PGRMC2: variants seen among roughly 807,000 people sequenced by gnomAD.
The protein encoded by PGRMC2 is membrane-associated progesterone receptor component 2.
Under a neutral mutation model 19.3 loss-of-function variants are expected in PGRMC2, and 9 were observed. The observed-to-expected ratio is 0.47, with a 90% CI of 0.28 to 0.81. The LOEUF is 0.81. PGRMC2 is among the 40% of genes least tolerant of loss of function. The pLI is 0.11. For missense variants in PGRMC2, 289 were observed against 297.3 expected (o/e 0.97, Z 0.21); for synonymous variants, 157 against 124.6 (o/e 1.26, Z -1.73).
intron 1 of PGRMC2, among the ~76,000 whole-genome samples, chr4:128,282,644 G>C (rs1413837448): frequency 1.3e-5 from 2 of 152,322 alleles, no homozygotes; most frequent in East Asian, 3.9e-4. Context: ...AGATGCATAT[G>C]GGCATTAGCC....
At chr4:128,276,937 A>C (rs1167810764) in intron 1 of PGRMC2, among the ~76,000 whole-genome samples, 1 of 152,218 alleles carries the variant, frequency 6.6e-6, no homozygotes, top group East Asian at 1.9e-4. Flanking sequence ...CAGGCGGATC[A>C]CGAGGTCAGG....
chr4:128,276,971 G>A (rs1225470024), intron 1 of PGRMC2, among the ~76,000 whole-genome samples: 1 of 152,074 alleles, frequency 6.6e-6, no homozygotes, highest in Non-Finnish European at 1.5e-5. Context: ...CCTGGCCAAC[G>A]TGGTGAAACC....
intron 1 of PGRMC2, among the ~76,000 whole-genome samples, chr4:128,282,580 T>C (rs1209855627): frequency 6.6e-6 from 1 of 152,190 alleles, no homozygotes; most frequent in Non-Finnish European, 1.5e-5. Context: ...TTGAGCAGAA[T>C]ATAAAAAATC....
In PGRMC2 at chr4:128,274,620, G is replaced by A. The variant is rs201035336; in HGVS notation, c.419-2103C>T. ...CACTTTGTGGCAATGGGTGTTTTCA[G>A]GAGGACAAGGAGAGAGACAGAGACA... On this transcript the variant is annotated intron_variant, in intron 1 of 2. Coordinates refer to ENST00000296425, the MANE Select transcript of PGRMC2 (RefSeq NM_006320.6). Among the ~76,000 whole-genome samples the A allele has an allele frequency of 7.2e-5, 11 of 151,796 alleles. No homozygotes were observed. In the East Asian group the frequency reaches 2.1e-3, roughly 29 times the overall value.
rs1420616619 is a variant in PGRMC2 at position 128,287,347 on chromosome 4, C to G, written c.418+26G>C. ...GGTTGTGCTTCAGCTGCAGGGGGTCCTTCCCCTCCCCTTCCAACTCCTCAC... is the reference window on the plus strand; with the variant it reads ...GGTTGTGCTTCAGCTGCAGGGGGTCGTTCCCCTCCCCTTCCAACTCCTCAC... On this transcript the variant is annotated intron_variant, in intron 1 of 2. Coordinates refer to ENST00000296425, the MANE Select transcript of PGRMC2 (RefSeq NM_006320.6). 5 of 1,575,092 alleles carry G rather than the reference C, an allele frequency of 3.2e-6. No homozygotes were observed. In the Admixed American group the frequency reaches 8.6e-5, roughly 27 times the overall value.
chr4:128,285,425 G>T (rs1184172105), intron 1 of PGRMC2, among the ~76,000 whole-genome samples: 1 of 152,178 alleles, frequency 6.6e-6, no homozygotes, highest in East Asian at 1.9e-4. Flanking sequence ...CACCACGCCT[G>T]GCTTTAATTT....
At chr4:128,282,082 C>T (rs1230666648) in intron 1 of PGRMC2, among the ~76,000 whole-genome samples, 5 of 150,154 alleles carry the variant, frequency 3.3e-5, no homozygotes, top group Non-Finnish European at 7.4e-5. Context: ...ATACTGAAAT[C>T]CTTGTTTACT....
intron 1 of PGRMC2, among the ~76,000 whole-genome samples, chr4:128,277,024 G>C (rs1175078774): frequency 6.6e-6 from 1 of 152,168 alleles, no homozygotes; most frequent in Non-Finnish European, 1.5e-5. Flanking sequence ...GGGCATGGTA[G>C]TGGGCACCTG....
At chr4:128,273,710 T>C (rs1183246596) in intron 1 of PGRMC2, among the ~76,000 whole-genome samples, 2 of 152,202 alleles carry the variant, frequency 1.3e-5, no homozygotes, top group Non-Finnish European at 2.9e-5. Context: ...CTGAAAGTTA[T>C]GTGTCAAAAA....
At chr4:128,285,432 AT>A (rs1760970039) in intron 1 of PGRMC2, among the ~76,000 whole-genome samples, 1 of 152,172 alleles carries the variant, frequency 6.6e-6, no homozygotes, top group Non-Finnish European at 1.5e-5. Flanking sequence ...CCTGGCTTTA[AT>A]TTTTAATTTC....
Position 128,287,517 on chromosome 4 carries a change from C to T in PGRMC2, c.274G>A (p.Ala92Thr). The change falls in exon 1 of 3, where the codon GCC (alanine) becomes ACC (threonine). Residue 92 changes from alanine (A) to threonine (T), a missense_variant. Physicochemically the swap from Ala to Thr is moderately conservative, Grantham distance 58 (BLOSUM62 0). Coordinates refer to ENST00000296425, the MANE Select transcript of PGRMC2 (RefSeq NM_006320.6). ...TTCTTCATGCGAGGCAGAGAGGTGG[C>T]GGGGCTCTCCTCGCCCGCCCCGGCC... ...AGAGAGEESPATSLPRMKKRD... is the reference protein window; with the variant it reads ...AGAGAGEESPTTSLPRMKKRD... 1 of 1,604,826 alleles carries T rather than the reference C, an allele frequency of 6.2e-7. No homozygotes were observed. The highest frequency in any genetic ancestry group is 1.1e-5 in the South Asian group (1 of 89,620).
chr4:128,272,313 C>T, intron 2 of PGRMC2, 49 bp downstream of exon 2: 1 of 1,169,458 alleles, frequency 8.6e-7, no homozygotes, highest in Non-Finnish European at 1.1e-6. Context: ...TATATATTTT[C>T]TTTGAACAAA....
chr4:128,270,369 G>C lies in PGRMC2; in HGVS notation c.*947C>G, dbSNP rs1760707715. ...ATTTTTTTGAAAACAGAAAAGCATG[G>C]GGGAATGCATTTGGCCATTACAATG... On this transcript the variant is annotated 3_prime_UTR_variant, in exon 3 of 3. Transcript: ENST00000296425. 6.6e-6 allele frequency: 1 copy of C among 152,534 alleles called. No homozygotes were observed. The highest frequency in any genetic ancestry group is 1.5e-5 in the Non-Finnish European group (1 of 68,026). 9.4% of individuals were successfully genotyped at this position (152,534 alleles called of 1,614,324 possible).
At chr4:128,282,787 T>C (rs1760927898) in intron 1 of PGRMC2, among the ~76,000 whole-genome samples, 1 of 152,020 alleles carries the variant, frequency 6.6e-6, no homozygotes, top group Non-Finnish European at 1.5e-5. Context: ...AAACACAGAG[T>C]TTCCAATTCT....
intron 1 of PGRMC2, chr4:128,272,916 A>G (rs1047773627): frequency 6.5e-6 from 1 of 154,792 alleles, no homozygotes; most frequent in Non-Finnish European, 1.4e-5. Context: ...CAAAAAAATA[A>G]AAATAATCAA....
At chr4:128,283,627 T>C (rs986879882) in intron 1 of PGRMC2, among the ~76,000 whole-genome samples, 2 of 151,758 alleles carry the variant, frequency 1.3e-5, no homozygotes, top group African/African-American at 4.8e-5. Flanking sequence ...GGGGCCACCA[T>C]TTTGGGCAGT....
chr4:128,270,401 G>C lies in PGRMC2; in HGVS notation c.*915C>G, dbSNP rs1231848335. On this transcript the variant is annotated 3_prime_UTR_variant, in exon 3 of 3. Transcript: ENST00000296425. ...GCATTTGGCCATTACAATGCTAATT[G>C]AGTTTGTGTATATTACATATATGGC... The C allele has an allele frequency of 1.3e-5, 2 of 152,580 alleles. No homozygotes were observed. The highest frequency in any genetic ancestry group is 2.4e-5 in the African/African-American group (1 of 41,444). The allele number at this position is 152,580 out of a possible 1,614,324, so 9.5% of individuals were successfully genotyped here. A position where few individuals can be genotyped will look rare whatever the true frequency, so the allele number is the denominator to read the frequency against.
chr4:128,282,163 T>C (rs1376036640), intron 1 of PGRMC2, among the ~76,000 whole-genome samples: 2 of 152,218 alleles, frequency 1.3e-5, no homozygotes, highest in African/African-American at 4.8e-5. Context: ...CTCAGTTAAC[T>C]CCATTTCTCA....
chr4:128,272,572 CAAAGGA>C, intron 1 of PGRMC2, 55 bp from the exon 2 acceptor site: 4 of 375,586 alleles, frequency 1.1e-5, no homozygotes, highest in Non-Finnish European at 1.7e-5. Context: ...TAGAATGTCT[CAAAGGA>C]AAAAGTAAAA....
Sources: allele counts gnomAD v4.1 joint callset (sites outside exome capture counted in the v4.1 genomes callset), GRCh38; gene constraint gnomAD v4.1.1; transcripts MANE v1.5; gene names NCBI Gene and HGNC (gene_info 2026-07-23, HGNC 2026-07-21).